IQCM: variants seen among roughly 807,000 people sequenced by gnomAD.
IQCM encodes IQ motif containing M.
In IQCM, 45 loss-of-function variants were observed where a neutral mutation model predicts 57.6. The ratio of observed to expected loss-of-function variants is 0.78; its 90% CI spans 0.62 to 1.00. The LOEUF is 1.00. IQCM is among the 50% of genes least tolerant of loss of function. The pLI, the probability that IQCM is intolerant of heterozygous loss-of-function variation, is 0.00. For missense variants in IQCM, 468 were observed against 511.6 expected (o/e 0.91, Z 0.82); for synonymous variants, 148 against 158.9 (o/e 0.93, Z 0.51).
chr4:149,502,090 A>T (rs1743301345), intron 12 of IQCM, among the ~76,000 whole-genome samples: 1 of 146,974 alleles, frequency 6.8e-6, no homozygotes, highest in Non-Finnish European at 1.5e-5. Context: ...CTTATGGGTA[A>T]TTACTAACCA....
chr4:149,560,492 A>G (rs937496433), intron 10 of IQCM, among the ~76,000 whole-genome samples: 1 of 152,194 alleles, frequency 6.6e-6, no homozygotes, highest in African/African-American at 2.4e-5. Flanking sequence ...GTAAGAGCCT[A>G]GAAGCATTAC....
At chr4:149,410,887 C>T (rs1013744751) in intron 13 of IQCM, among the ~76,000 whole-genome samples, 1 of 152,068 alleles carries the variant, frequency 6.6e-6, no homozygotes, top group African/African-American at 2.4e-5. Flanking sequence ...TTTCACCTCA[C>T]TGGATTTTAA....
At chr4:149,382,964 T>C (rs1250111047) in intron 13 of IQCM, among the ~76,000 whole-genome samples, 2 of 151,026 alleles carry the variant, frequency 1.3e-5, no homozygotes, top group South Asian at 4.2e-4. Context: ...TTTAATCTTA[T>C]TTTGACATTA....
chr4:149,353,528 C>T (rs2110863921), intron 13 of IQCM, among the ~76,000 whole-genome samples: 1 of 152,226 alleles, frequency 6.6e-6, no homozygotes, highest in South Asian at 2.1e-4. Flanking sequence ...GATATGGAAA[C>T]AACCTTAATA....
intron 2 of IQCM, among the ~76,000 whole-genome samples, chr4:149,792,410 A>T (rs1772716790): frequency 6.6e-6 from 1 of 152,168 alleles, no homozygotes; most frequent in South Asian, 2.1e-4. Context: ...ATAAAAAAAT[A>T]TAAAATTTTC....
At chr4:149,386,486 T>C (rs1731434537) in intron 13 of IQCM, among the ~76,000 whole-genome samples, 1 of 152,076 alleles carries the variant, frequency 6.6e-6, no homozygotes, top group African/African-American at 2.4e-5. Flanking sequence ...TAATTATACC[T>C]TTTAAAAGGT....
chr4:149,391,961 G>A (rs1165476794), intron 13 of IQCM, among the ~76,000 whole-genome samples: 1 of 151,860 alleles, frequency 6.6e-6, no homozygotes, highest in Non-Finnish European at 1.5e-5. Flanking sequence ...GCTGTTGGCT[G>A]CTTTGCTCTC....
intron 7 of IQCM, among the ~76,000 whole-genome samples, chr4:149,624,528 T>C (rs1435550840): frequency 6.6e-6 from 1 of 152,116 alleles, no homozygotes; most frequent in Non-Finnish European, 1.5e-5. Flanking sequence ...ATTATACAAA[T>C]GACTCACAGA....
chr4:149,555,947 T>A (rs1031796814), intron 10 of IQCM, among the ~76,000 whole-genome samples: 5 of 152,166 alleles, frequency 3.3e-5, no homozygotes, highest in African/African-American at 1.2e-4. Flanking sequence ...GGGCTTTTCA[T>A]GGTTAGGAAG....
intron 8 of IQCM, among the ~76,000 whole-genome samples, chr4:149,608,117 A>G (rs1754960445): frequency 6.6e-6 from 1 of 151,972 alleles, no homozygotes; most frequent in Non-Finnish European, 1.5e-5. Context: ...AAAGAGTAGG[A>G]ATGGCTATAC....
At chr4:149,608,305 A>G (rs1323019523) in intron 8 of IQCM, among the ~76,000 whole-genome samples, 1 of 151,970 alleles carries the variant, frequency 6.6e-6, no homozygotes. Context: ...AGACTCCAAT[A>G]TAATCATAGC....
chr4:149,357,330 C>T (rs1381390659), intron 13 of IQCM, among the ~76,000 whole-genome samples: 1 of 152,138 alleles, frequency 6.6e-6, no homozygotes, highest in Non-Finnish European at 1.5e-5. Context: ...TGCCAGTTTT[C>T]AAAGGAATGC....
chr4:149,764,683 G>A (rs1341526938), intron 2 of IQCM, among the ~76,000 whole-genome samples: 1 of 152,058 alleles, frequency 6.6e-6, no homozygotes, highest in Non-Finnish European at 1.5e-5. Context: ...AGGACAAAGG[G>A]AAAGTTTCCC....
At chr4:149,520,518 G>A (rs371233596) in intron 12 of IQCM, among the ~76,000 whole-genome samples, 8 of 152,112 alleles carry the variant, frequency 5.3e-5, no homozygotes, top group African/African-American at 1.7e-4. Context: ...CTCCTTGGCA[G>A]AAAGCTAGCA....
intron 13 of IQCM, among the ~76,000 whole-genome samples, chr4:149,371,923 T>C (rs1464771384): frequency 6.6e-6 from 1 of 152,160 alleles, no homozygotes; most frequent in Non-Finnish European, 1.5e-5. Flanking sequence ...AATTCCTTTT[T>C]CTCCATTTGA....
intron 5 of IQCM, among the ~76,000 whole-genome samples, chr4:149,714,250 T>C (rs906073432): frequency 7.2e-5 from 11 of 152,194 alleles, no homozygotes; most frequent in African/African-American, 2.7e-4. Context: ...TTTTTGTTTT[T>C]TCTTCCTCAC....
intron 12 of IQCM, among the ~76,000 whole-genome samples, chr4:149,481,223 T>C (rs1740742412): frequency 6.6e-6 from 1 of 152,280 alleles, no homozygotes; most frequent in Non-Finnish European, 1.5e-5. Flanking sequence ...ACTTTGTTGA[T>C]TGTTTCCATT....
At chr4:149,382,682 A>G (rs1232113559) in intron 13 of IQCM, among the ~76,000 whole-genome samples, 3 of 152,236 alleles carry the variant, frequency 2.0e-5, no homozygotes, top group Non-Finnish European at 4.4e-5. Context: ...AATGTCAGTG[A>G]GAAGAAAGGA....
chr4:149,745,124 A>G (rs1001632778), intron 2 of IQCM, among the ~76,000 whole-genome samples: 3 of 152,140 alleles, frequency 2.0e-5, no homozygotes, highest in Non-Finnish European at 2.9e-5. Context: ...GTGGATCAGA[A>G]TGCCTAACTT....
Sources: allele counts gnomAD v4.1 joint callset (sites outside exome capture counted in the v4.1 genomes callset), GRCh38; gene constraint gnomAD v4.1.1; transcripts MANE v1.5; gene names NCBI Gene and HGNC (gene_info 2026-07-23, HGNC 2026-07-21).